The following PDE3A variants were observed in gnomAD, a reference collection of about 807,000 sequenced individuals.
PDE3A encodes cGMP-inhibited 3',5'-cyclic phosphodiesterase 3A.
In PDE3A, 43 loss-of-function variants were observed where a neutral mutation model predicts 98.3. That is an observed-to-expected ratio of 0.44 (90% CI 0.34 to 0.56). PDE3A has a LOEUF of 0.56. Among genes scored for constraint, PDE3A ranks in the 20% least tolerant of loss-of-function variants. The probability of loss-of-function intolerance (pLI) is 0.01; values close to 1 mark genes in which losing one functional copy is unlikely to be tolerated. For synonymous variants in PDE3A, 663 were observed against 567.9 expected (o/e 1.17, Z -2.38); for missense variants, 1,427 against 1,440.7 (o/e 0.99, Z 0.15).
At chr12:20,489,266 G>A (rs1422600009) in intron 1 of PDE3A, among the ~76,000 whole-genome samples, 1 of 152,110 alleles carries the variant, frequency 6.6e-6, no homozygotes, top group Non-Finnish European at 1.5e-5. Context: ...GTTGTTTCTA[G>A]AGATGAATAC....
At position 20,512,645 on chromosome 12, in the gene PDE3A, T is replaced by C. The variant is rs528193076; in HGVS notation, c.961-44015T>C. 9.2e-5 allele frequency among the ~76,000 whole-genome samples: 14 copies of C among 152,214 alleles called. No individual in the cohort carries two copies. The South Asian group carries it at 2.9e-3, about 32-fold the overall frequency. ...GGAATATCTGGCAGAACATAAGACATTTTAAGCTGTAAGTAGAATGATTTT... is the reference window on the plus strand; with the variant it reads ...GGAATATCTGGCAGAACATAAGACACTTTAAGCTGTAAGTAGAATGATTTT... On this transcript the variant is annotated intron_variant, in intron 1 of 15. Transcript: ENST00000359062.
At chr12:20,475,178 A>AGTGTGTGT (rs71442249) in intron 1 of PDE3A, among the ~76,000 whole-genome samples, 3,836 of 92,422 alleles carry the variant, frequency 0.042, 93 homozygotes, top group Admixed American at 0.11. Context: ...AATGTGTGTG[A>AGTGTGTGT]GTGTGTGTGT....
In PDE3A at chr12:20,602,181, T is replaced by G. The variant is rs569354515; in HGVS notation, c.1012-11262T>G. Among the ~76,000 whole-genome samples, 40 of 152,312 alleles carry G rather than the reference T, an allele frequency of 2.6e-4. No individual in the cohort carries two copies. In the South Asian group the frequency reaches 7.9e-3, roughly 30 times the overall value. On this transcript the variant is annotated intron_variant, in intron 2 of 15. Transcript: ENST00000359062. The stretch of plus-strand genomic sequence containing the variant: ...AGCCTTCCCACATTTGTGTGAGCAG[T>G]CACATGAGTAGCTCATTGCCTGAAT...
At chr12:20,602,658 A>T (rs1943619391) in intron 2 of PDE3A, among the ~76,000 whole-genome samples, 1 of 152,164 alleles carries the variant, frequency 6.6e-6, no homozygotes, top group African/African-American at 2.4e-5. Flanking sequence ...CAGTTTGATG[A>T]AGGGCCCTAT....
Position 20,518,662 on chromosome 12 carries a change from CT to C in PDE3A, c.961-37991del, listed in dbSNP as rs1184910028. 6.6e-5 allele frequency among the ~76,000 whole-genome samples: 10 copies of C among 152,166 alleles called. No homozygotes were observed. In the East Asian group the frequency reaches 9.6e-4, roughly 15 times the overall value. On this transcript the variant is annotated intron_variant, in intron 1 of 15. Transcript: ENST00000359062. ...AGATCCGAAGTGTTTGTTCTTCCAT[CT>C]TTTTTTCCCCCTTTTGCATGTAAAA...
intron 1 of PDE3A, among the ~76,000 whole-genome samples, chr12:20,470,680 G>A (rs927686458): frequency 3.3e-5 from 5 of 152,200 alleles, no homozygotes; most frequent in Middle Eastern, 3.4e-3. Flanking sequence ...AATAATCTTG[G>A]AATTATGAAT....
At chr12:20,495,919 G>A (rs1266760354) in intron 1 of PDE3A, among the ~76,000 whole-genome samples, 5 of 152,146 alleles carry the variant, frequency 3.3e-5, no homozygotes, top group African/African-American at 1.2e-4. Context: ...AAAAGAGAGA[G>A]GAGTTTGTTG....
intron 2 of PDE3A, among the ~76,000 whole-genome samples, chr12:20,590,751 A>C (rs1943318989): frequency 6.6e-6 from 1 of 152,166 alleles, no homozygotes; most frequent in Non-Finnish European, 1.5e-5. Context: ...TAGACAGTAC[A>C]AAGATATGCA....
chr12:20,475,550 GA>G (rs1945517250), intron 1 of PDE3A, among the ~76,000 whole-genome samples: 1 of 151,998 alleles, frequency 6.6e-6, no homozygotes, highest in Non-Finnish European at 1.5e-5. Context: ...CCAACGTGGT[GA>G]AACCCCATCT....
At chr12:20,608,006 A>G (rs1262810983) in intron 2 of PDE3A, among the ~76,000 whole-genome samples, 1 of 152,184 alleles carries the variant, frequency 6.6e-6, no homozygotes, top group African/African-American at 2.4e-5. Flanking sequence ...TTCTGTGTGA[A>G]TCACACAATT....
chr12:20,431,044 A>G (rs914082547), intron 1 of PDE3A, among the ~76,000 whole-genome samples: 1 of 152,152 alleles, frequency 6.6e-6, no homozygotes, highest in Non-Finnish European at 1.5e-5. Context: ...CTATCCACCT[A>G]GTTCTGAGAG....
At chr12:20,527,808 T>G (rs531621327) in intron 1 of PDE3A, among the ~76,000 whole-genome samples, 1 of 151,100 alleles carries the variant, frequency 6.6e-6, no homozygotes, top group African/African-American at 2.4e-5. Flanking sequence ...GGGGCAAAAC[T>G]TTTTTCCCCC....
rs144686057 is a variant in PDE3A, at chr12:20,585,405, C to T, written c.1012-28038C>T. On this transcript the variant is annotated intron_variant, in intron 2 of 15. Coordinates refer to ENST00000359062, the MANE Select transcript of PDE3A (RefSeq NM_000921.5). ...GGAATTTTCAAGATTCACACAGTTT[C>T]AACAATAGGTTATTCATTTTCTTGC... is the stretch of plus-strand genomic sequence containing the variant. Among the ~76,000 whole-genome samples, 55 of 152,308 alleles carry T rather than the reference C, an allele frequency of 3.6e-4. No individual in the cohort carries two copies. In the Middle Eastern group the frequency reaches 0.01, roughly 28 times the overall value.
Position 20,503,032 on chromosome 12 carries a change from A to G in PDE3A, c.961-53628A>G, listed in dbSNP as rs115213972. On this transcript the variant is annotated intron_variant, in intron 1 of 15. Transcript: ENST00000359062. ...TTGTGAAGCCTAAATGAGATCATGT[A>G]TCACAGAGCCTGGCACAAGGAAAAC... 9.5e-3 allele frequency among the ~76,000 whole-genome samples: 1,445 copies of G among 152,264 alleles called. 11 individuals carry two copies. The highest frequency in any genetic ancestry group is 0.033 in the African/African-American group (1,375 of 41,560).
At chr12:20,670,366 A>C (rs1263589099) in intron 15 of PDE3A, among the ~76,000 whole-genome samples, 1 of 149,974 alleles carries the variant, frequency 6.7e-6, no homozygotes, top group Middle Eastern at 3.4e-3. Flanking sequence ...CATCTACAGA[A>C]CTCTCCACCC....
chr12:20,374,168 A>T (rs77615740), intron 1 of PDE3A, among the ~76,000 whole-genome samples: 10,146 of 152,186 alleles, frequency 0.067, 445 homozygotes, highest in Admixed American at 0.095. Flanking sequence ...GGAAAACAAG[A>T]TTTCCTTATC....
intron 2 of PDE3A, among the ~76,000 whole-genome samples, chr12:20,601,645 A>G (rs1943594775): frequency 6.6e-6 from 1 of 152,208 alleles, no homozygotes; most frequent in African/African-American, 2.4e-5. Flanking sequence ...AATGTTTGCA[A>G]CTTAGACAAA....
chr12:20,372,817 G>A (rs550014229), intron 1 of PDE3A, among the ~76,000 whole-genome samples: 4 of 152,098 alleles, frequency 2.6e-5, no homozygotes, highest in South Asian at 2.1e-4. Flanking sequence ...GAACTTAAAC[G>A]CACAGTCTGT....
At chr12:20,526,341 A>C (rs1343831212) in intron 1 of PDE3A, among the ~76,000 whole-genome samples, 1 of 152,160 alleles carries the variant, frequency 6.6e-6, no homozygotes, top group Admixed American at 6.5e-5. Flanking sequence ...GCAATATTTC[A>C]ATTTCATTGA....
Sources: allele counts gnomAD v4.1 joint callset (sites outside exome capture counted in the v4.1 genomes callset), GRCh38; gene constraint gnomAD v4.1.1; transcripts MANE v1.5; gene names NCBI Gene and HGNC (gene_info 2026-07-23, HGNC 2026-07-21).